Variants in RBFOX1 observed in about 807,000 individuals in gnomAD.
RBFOX1 encodes the protein RNA binding protein fox-1 homolog 1.
A neutral mutation model predicts 57.7 loss-of-function variants in RBFOX1; 8 were observed. That is an observed-to-expected ratio of 0.14 (90% CI 0.08 to 0.25). RBFOX1 has a LOEUF of 0.25. Among genes scored for constraint, RBFOX1 ranks in the 10% least tolerant of loss-of-function variants. The pLI, the probability that RBFOX1 is intolerant of heterozygous loss-of-function variation, is 1.00. For synonymous variants in RBFOX1, 326 were observed against 222.4 expected (o/e 1.47, Z -4.15); for missense variants, 611 against 548.5 (o/e 1.11, Z -1.14).
intron 3 of RBFOX1, among the ~76,000 whole-genome samples, chr16:5,628,313 C>G (rs1249397473): frequency 3.3e-5 from 5 of 152,180 alleles, no homozygotes; most frequent in African/African-American, 4.8e-5. Context: ...TTATCACAGA[C>G]TAAATTCTTT....
At chr16:7,008,437 G>T (rs115498602) in intron 3 of RBFOX1, among the ~76,000 whole-genome samples, 2,932 of 151,978 alleles carry the variant, frequency 0.019, 113 homozygotes, top group African/African-American at 0.066. Flanking sequence ...ACACTCAGAA[G>T]TCAGAGGCAG....
At chr16:6,204,747 T>C (rs1455062341) in intron 1 of RBFOX1, among the ~76,000 whole-genome samples, 2 of 152,186 alleles carry the variant, frequency 1.3e-5, no homozygotes, top group African/African-American at 4.8e-5. Context: ...TATAATGTTT[T>C]TAATTGAGTT....
chr16:6,986,133 A>G (rs2090198542), intron 3 of RBFOX1, among the ~76,000 whole-genome samples: 1 of 151,310 alleles, frequency 6.6e-6, no homozygotes, highest in South Asian at 2.1e-4. Context: ...AAAAAATGTA[A>G]GACTTGTACA....
intron 3 of RBFOX1, among the ~76,000 whole-genome samples, chr16:6,834,205 C>G (rs992284296): frequency 2.6e-5 from 4 of 152,032 alleles, no homozygotes; most frequent in Non-Finnish European, 4.4e-5. Flanking sequence ...TCCCAGGTAG[C>G]TGGGATTACA....
chr16:6,262,984 T>G (rs1482964034), intron 1 of RBFOX1, among the ~76,000 whole-genome samples: 1 of 152,138 alleles, frequency 6.6e-6, no homozygotes, highest in African/African-American at 2.4e-5. Context: ...GGAAGGCCAC[T>G]TTGAGATGAC....
intron 3 of RBFOX1, among the ~76,000 whole-genome samples, chr16:5,716,210 T>C (rs8054529): frequency 0.75 from 114,484 of 152,096 alleles, 43,544 homozygotes; most frequent in Non-Finnish European, 0.81. Context: ...TTGGTTGGCG[T>C]GAAAGTAATT....
At chr16:5,460,439 A>T (rs1019463847) in intron 1 of RBFOX1, among the ~76,000 whole-genome samples, 2 of 152,210 alleles carry the variant, frequency 1.3e-5, no homozygotes, top group African/African-American at 4.8e-5. Flanking sequence ...CCTTTGAATA[A>T]GGAGAGGGCA....
intron 2 of RBFOX1, among the ~76,000 whole-genome samples, chr16:5,519,196 G>T (rs1275709242): frequency 6.6e-6 from 1 of 152,190 alleles, no homozygotes; most frequent in East Asian, 1.9e-4. Context: ...ATACTTTGTG[G>T]TGGCAACCCT....
At chr16:7,550,842 C>G (rs987370668) in intron 5 of RBFOX1, among the ~76,000 whole-genome samples, 1 of 151,932 alleles carries the variant, frequency 6.6e-6, no homozygotes, top group Non-Finnish European at 1.5e-5. Flanking sequence ...TCCCATAATC[C>G]GAACGCTTTG....
chr16:6,815,795 A>C (rs1479888071), intron 3 of RBFOX1, among the ~76,000 whole-genome samples: 1 of 152,162 alleles, frequency 6.6e-6, no homozygotes, highest in Non-Finnish European at 1.5e-5. Context: ...CAACTACCTA[A>C]TAGTTTGCTC....
chr16:5,633,481 T>G (rs920693797), intron 3 of RBFOX1, among the ~76,000 whole-genome samples: 6 of 152,164 alleles, frequency 3.9e-5, no homozygotes, highest in Non-Finnish European at 7.3e-5. Flanking sequence ...ATGTAGTCTT[T>G]TAGAAAATAT....
intron 4 of RBFOX1, among the ~76,000 whole-genome samples, chr16:7,364,730 C>G (rs2146909256): frequency 6.6e-6 from 1 of 152,226 alleles, no homozygotes; most frequent in East Asian, 1.9e-4. Flanking sequence ...AATTTGAAGT[C>G]CCAGGGCAGG....
chr16:6,653,513 T>G (rs1046825491), intron 2 of RBFOX1, among the ~76,000 whole-genome samples: 3 of 152,054 alleles, frequency 2.0e-5, no homozygotes, highest in Admixed American at 2.0e-4. Context: ...TCCCTGAGGG[T>G]AGGAATTATG....
chr16:6,127,093 T>C (rs1351088247), intron 1 of RBFOX1, among the ~76,000 whole-genome samples: 1 of 152,060 alleles, frequency 6.6e-6, no homozygotes, highest in Non-Finnish European at 1.5e-5. Flanking sequence ...ATCTCAGAGG[T>C]AGCAGCAAGT....
intron 3 of RBFOX1, among the ~76,000 whole-genome samples, chr16:6,751,305 C>T (rs1011274816): frequency 5.9e-5 from 9 of 151,808 alleles, no homozygotes; most frequent in East Asian, 1.9e-4. Flanking sequence ...GGCAGTGGTA[C>T]GGGAGAGAAA....
chr16:7,267,530 T>TG (rs1567963410), intron 4 of RBFOX1, among the ~76,000 whole-genome samples: 2 of 151,674 alleles, frequency 1.3e-5, no homozygotes, highest in African/African-American at 4.8e-5. Context: ...AGTGAGACTC[T>TG]ATCTCGACAA....
At chr16:5,749,002 C>T (rs1483990374) in intron 3 of RBFOX1, among the ~76,000 whole-genome samples, 1 of 152,268 alleles carries the variant, frequency 6.6e-6, no homozygotes, top group African/African-American at 2.4e-5. Context: ...TTTGCAGTGG[C>T]TGGTATCGGT....
At chr16:6,952,717 C>G (rs943386918) in intron 3 of RBFOX1, among the ~76,000 whole-genome samples, 3 of 152,086 alleles carry the variant, frequency 2.0e-5, no homozygotes, top group Non-Finnish European at 4.4e-5. Flanking sequence ...GTGGCTCATG[C>G]CTGTCAGCTC....
intron 3 of RBFOX1, among the ~76,000 whole-genome samples, chr16:6,853,879 C>T (rs2057312031): frequency 6.6e-6 from 1 of 152,096 alleles, no homozygotes; most frequent in Admixed American, 6.6e-5. Flanking sequence ...TTAATATAGC[C>T]AGGGCCAGGA....
Sources: allele counts gnomAD v4.1 joint callset (sites outside exome capture counted in the v4.1 genomes callset), GRCh38; gene constraint gnomAD v4.1.1; transcripts MANE v1.5; gene names NCBI Gene and HGNC (gene_info 2026-07-23, HGNC 2026-07-21).